NRXN3: variants seen among roughly 807,000 people sequenced by gnomAD.
The protein encoded by NRXN3 is neurexin III.
A neutral mutation model predicts 137.6 loss-of-function variants in NRXN3; 32 were observed. The ratio of observed to expected loss-of-function variants is 0.23; its 90% confidence interval spans 0.18 to 0.31. NRXN3 has a LOEUF of 0.31. NRXN3 is among the 10% of genes least tolerant of loss of function. The pLI, the probability that NRXN3 is intolerant of heterozygous loss-of-function variation, is 1.00. For missense variants in NRXN3, 1,574 were observed against 2,062.5 expected, an observed-to-expected ratio of 0.76 and a Z score of 4.59; for synonymous variants, 798 against 784.5, an observed-to-expected ratio of 1.02 and a Z score of -0.29.
intron 15 of NRXN3, among the ~76,000 whole-genome samples, chr14:79,219,721 A>T (rs1328473471): frequency 6.6e-6 from 1 of 150,572 alleles, no homozygotes; most frequent in Non-Finnish European, 1.5e-5. Flanking sequence ...TTTTGTTTCT[A>T]TATCTGACGG....
intron 17 of NRXN3, among the ~76,000 whole-genome samples, chr14:79,671,388 T>C (rs980639121): frequency 2.0e-5 from 3 of 152,080 alleles, no homozygotes; most frequent in African/African-American, 4.8e-5. Context: ...AATTATAGAA[T>C]TCCCCCCTCA....
intron 16 of NRXN3, among the ~76,000 whole-genome samples, chr14:79,605,649 A>G (rs546935963): frequency 4.6e-5 from 7 of 152,026 alleles, no homozygotes; most frequent in Non-Finnish European, 7.4e-5. Flanking sequence ...CACCACGCCC[A>G]GCTAATTTTT....
At chr14:79,059,636 G>T (rs2099671683) in intron 15 of NRXN3, among the ~76,000 whole-genome samples, 1 of 152,114 alleles carries the variant, frequency 6.6e-6, no homozygotes. Flanking sequence ...TCTAGTTATT[G>T]ATTCTCATGT....
intron 19 of NRXN3, among the ~76,000 whole-genome samples, chr14:79,757,779 C>T (rs2099024735): frequency 6.6e-6 from 1 of 151,996 alleles, no homozygotes; most frequent in African/African-American, 2.4e-5. Flanking sequence ...GATTAAAATC[C>T]AACAGTTTGT....
Position 78,816,756 on chromosome 14 carries a change from A to G in NRXN3, c.2275+6412A>G, listed in dbSNP as rs76016092. On this transcript the variant is annotated intron_variant, in intron 10 of 20. Coordinates refer to ENST00000335750, the MANE Select transcript of NRXN3 (RefSeq NM_001330195.2). ...AATTGCACTCCAAAGAGGTTTTACA[A>G]AGTTATATTTCTACCAGCAATATAT... is the stretch of plus-strand genomic sequence containing the variant. Among the ~76,000 whole-genome samples the G allele has an allele frequency of 8.9e-4, 136 of 152,288 alleles. 1 individual carries two copies. In the East Asian group the frequency reaches 0.023, roughly 25 times the overall value.
At chr14:79,251,687 C>T (rs900097557) in intron 15 of NRXN3, among the ~76,000 whole-genome samples, 2 of 152,094 alleles carry the variant, frequency 1.3e-5, no homozygotes, top group Non-Finnish European at 2.9e-5. Context: ...GAGCTCAGAC[C>T]TGGGAGAGCA....
intron 20 of NRXN3, among the ~76,000 whole-genome samples, chr14:79,841,538 G>T (rs1283236578): frequency 1.3e-5 from 2 of 152,248 alleles, no homozygotes; most frequent in Non-Finnish European, 1.5e-5. Context: ...TCAGGAGAAA[G>T]GTCCCACTGC....
In NRXN3 at chr14:78,249,669, G is replaced by A. The variant is rs138189451; in HGVS notation, c.709+5867G>A. On this transcript the variant is annotated intron_variant, in intron 2 of 20. Coordinates refer to ENST00000335750, the MANE Select transcript of NRXN3 (RefSeq NM_001330195.2). ...GCCCTTCCTTACACAAAATAATAAT[G>A]ATATTATTACCATTGCTCTTATTAA... 7.2e-5 allele frequency among the ~76,000 whole-genome samples: 11 copies of A among 152,204 alleles called. No homozygotes were observed. In the East Asian group the frequency reaches 2.1e-3, roughly 29 times the overall value.
At chr14:79,826,242 C>T (rs989919093) in intron 20 of NRXN3, among the ~76,000 whole-genome samples, 5 of 152,150 alleles carry the variant, frequency 3.3e-5, no homozygotes, top group Admixed American at 6.5e-5. Flanking sequence ...ATCTGCCTGC[C>T]TTGACCTCCC....
intron 16 of NRXN3, among the ~76,000 whole-genome samples, chr14:79,510,834 C>A (rs2096925758): frequency 6.6e-6 from 1 of 152,226 alleles, no homozygotes; most frequent in Non-Finnish European, 1.5e-5. Flanking sequence ...GGCAGCGTGG[C>A]ATGGGAGGTG....
At chr14:79,188,816 G>T (rs1321192096) in intron 15 of NRXN3, among the ~76,000 whole-genome samples, 7 of 152,096 alleles carry the variant, frequency 4.6e-5, no homozygotes, top group Non-Finnish European at 1.0e-4. Context: ...TCAGAGAAAT[G>T]CAAATCAAAA....
At chr14:78,643,319 C>T (rs151109814) in intron 4 of NRXN3, among the ~76,000 whole-genome samples, 115 of 152,250 alleles carry the variant, frequency 7.6e-4, no homozygotes, top group African/African-American at 2.7e-3. Context: ...ATTCTCTCAA[C>T]CTTATTTTGT....
chr14:79,021,232 C>T (rs975400985), intron 15 of NRXN3, among the ~76,000 whole-genome samples: 2 of 152,076 alleles, frequency 1.3e-5, no homozygotes, highest in South Asian at 2.1e-4. Context: ...TGCTCAGGGT[C>T]GCCTGGCTTG....
chr14:79,202,977 G>A (rs1337514500), intron 15 of NRXN3, among the ~76,000 whole-genome samples: 1 of 152,112 alleles, frequency 6.6e-6, no homozygotes, highest in East Asian at 1.9e-4. Flanking sequence ...ATTCCCTCCA[G>A]CAGTGTAGAA....
chr14:79,041,161 T>A (rs564054865), intron 15 of NRXN3, among the ~76,000 whole-genome samples: 1 of 152,332 alleles, frequency 6.6e-6, no homozygotes, highest in Admixed American at 6.5e-5. Context: ...AAAAAACATT[T>A]TTTGCAGAGC....
In NRXN3 at chr14:78,347,168, A is replaced by G. The variant is rs184604046; in HGVS notation, c.757+49308A>G. Among the ~76,000 whole-genome samples, 116 of 152,332 alleles carry G rather than the reference A, an allele frequency of 7.6e-4. 2 individuals are homozygous for G. In the East Asian group the frequency reaches 0.019, roughly 24 times the overall value. On this transcript the variant is annotated intron_variant, in intron 4 of 20. Coordinates refer to ENST00000335750, the MANE Select transcript of NRXN3 (RefSeq NM_001330195.2). The stretch of plus-strand genomic sequence containing the variant: ...CGGCGACAAATGCGGATGCTGGGAG[A>G]ATCCCTGATTGTAGCTTCTGTAGCA...
intron 15 of NRXN3, among the ~76,000 whole-genome samples, chr14:79,412,043 C>G (rs2095424329): frequency 6.6e-6 from 1 of 152,038 alleles, no homozygotes; most frequent in Non-Finnish European, 1.5e-5. Flanking sequence ...GGGATCCTGG[C>G]CAGTCTCCTT....
intron 4 of NRXN3, among the ~76,000 whole-genome samples, chr14:78,593,670 C>T (rs1004299991): frequency 2.0e-5 from 3 of 152,030 alleles, no homozygotes; most frequent in African/African-American, 4.8e-5. Context: ...GTAATTTAGT[C>T]TTGGGTGGGA....
intron 4 of NRXN3, among the ~76,000 whole-genome samples, chr14:78,488,129 T>C (rs528487339): frequency 1.3e-5 from 2 of 152,310 alleles, no homozygotes; most frequent in African/African-American, 4.8e-5. Context: ...CCCCCATGTG[T>C]ACATCCCTGG....
Sources: allele counts gnomAD v4.1 joint callset (sites outside exome capture counted in the v4.1 genomes callset), GRCh38; gene constraint gnomAD v4.1.1; transcripts MANE v1.5; gene names NCBI Gene and HGNC (gene_info 2026-07-23, HGNC 2026-07-21).